CSAD: variants seen among roughly 807,000 people sequenced by gnomAD.
The protein encoded by CSAD is cysteine sulfinic acid decarboxylase.
Under a neutral mutation model 61.5 loss-of-function variants are expected in CSAD, and 47 were observed. The observed-to-expected ratio is 0.76, with a 90% confidence interval of 0.60 to 0.97. The LOEUF is 0.97. CSAD is among the 50% of genes least tolerant of loss of function. The probability of loss-of-function intolerance (pLI) is 0.00; values close to 1 mark genes in which losing one functional copy is unlikely to be tolerated. For synonymous variants in CSAD, 245 were observed against 252.7 expected (o/e 0.97, Z 0.29); for missense variants, 611 against 643.6 (o/e 0.95, Z 0.55).
chr12:53,161,414 A>G (rs1388302973), intron 10 of CSAD, 25 bp from the exon 11 acceptor site: 1 of 1,579,958 alleles, frequency 6.3e-7, no homozygotes. Flanking sequence ...TAGAGGGAGA[A>G]AGATGTAAAG....
chr12:53,158,853 T>C (rs1429688353), intron 16 of CSAD, among the ~76,000 whole-genome samples, 169 bp from the exon 17 acceptor site: 1 of 152,184 alleles, frequency 6.6e-6, no homozygotes, highest in African/African-American at 2.4e-5. Context: ...TACCTTTCTG[T>C]CATATCTAAC....
chr12:53,168,536 G>T (rs1464860776), intron 10 of CSAD, among the ~76,000 whole-genome samples: 1 of 151,996 alleles, frequency 6.6e-6, no homozygotes, highest in Non-Finnish European at 1.5e-5. Flanking sequence ...TGGGCTCATA[G>T]GGCTCATAAT....
intron 8 of CSAD, 188 bp downstream of exon 8, chr12:53,171,138 C>T (rs371913139): frequency 1.3e-4 from 112 of 843,316 alleles, no homozygotes; most frequent in African/African-American, 1.2e-3. Context: ...TCCTCTGCCC[C>T]CAAACAGAAG....
intron 7 of CSAD, 86 bp downstream of exon 7, chr12:53,171,796 C>T (rs575251133): frequency 5.4e-6 from 5 of 926,844 alleles, no homozygotes; most frequent in Non-Finnish European, 8.5e-6. Context: ...AATCATCCCT[C>T]CCTGCCAGAC....
At chr12:53,160,458 T>C in intron 13 of CSAD, 139 bp from the exon 14 acceptor site, 1 of 871,174 alleles carries the variant, frequency 1.1e-6, no homozygotes, top group Non-Finnish European at 1.8e-6. Flanking sequence ...GGCTGCCTGC[T>C]GGCTCCAACA....
At chr12:53,170,337 A>T in intron 9 of CSAD, 86 bp downstream of exon 9, 1 of 1,246,612 alleles carries the variant, frequency 8.0e-7, no homozygotes, top group South Asian at 1.2e-5. Context: ...CACCAGCGGT[A>T]AGGGTCTGAT....
chr12:53,158,620 T>C lies in CSAD; in HGVS notation c.1373A>G (p.His458Arg). ...ACGGAAGAAGTTGCCCCGGGTCCCGTGGGGCTGGTAGCCAATCATCATGGA... is the reference window on the plus strand; with the variant it reads ...ACGGAAGAAGTTGCCCCGGGTCCCGCGGGGCTGGTAGCCAATCATCATGGA... ...EGSMMIGYQP[H>R]GTRGNFFRVV... The change falls in exon 17 of 17, where the codon CAC becomes CGC. Residue 458 changes from histidine (H) to arginine (R), a missense_variant. Transcript: ENST00000444623. 1.2e-5 allele frequency: 20 copies of C among 1,614,170 alleles called. No homozygotes were observed. The highest frequency in any genetic ancestry group is 3.3e-5 in the Admixed American group (2 of 60,018).
At position 53,180,689 on chromosome 12, in the gene CSAD, T is replaced by C. The variant is rs897273224; in HGVS notation, c.-91+43A>G. The C allele has an allele frequency of 9.4e-6, 12 of 1,272,604 alleles. No individual in the cohort carries two copies. In the African/African-American group the frequency reaches 1.6e-4, roughly 17 times the overall value. 78.8% of individuals were successfully genotyped at this position (1,272,604 alleles called of 1,614,324 possible). On this transcript the variant is annotated intron_variant, in intron 1 of 16. Coordinates refer to ENST00000444623, the MANE Select transcript of CSAD (RefSeq NM_001244705.2). Reference sequence around the variant, plus strand: ...GGAGAGGACGAGGGGGAGGGGGAAGTGCTTCCGGGGAAACGGGCCGGGGTT... The same window carrying C: ...GGAGAGGACGAGGGGGAGGGGGAAGCGCTTCCGGGGAAACGGGCCGGGGTT...
chr12:53,175,011 A>C (rs999984709), intron 2 of CSAD, among the ~76,000 whole-genome samples: 2 of 152,200 alleles, frequency 1.3e-5, no homozygotes, highest in African/African-American at 2.4e-5. Context: ...GAATGGGTTC[A>C]GTTTGTTCAG....
intron 7 of CSAD, 112 bp from the exon 8 acceptor site, chr12:53,171,553 C>A: frequency 3.0e-6 from 3 of 1,003,494 alleles, no homozygotes; most frequent in South Asian, 1.4e-5. Flanking sequence ...GTATGACTGG[C>A]TCCCAGGCCA....
Position 53,173,347 on chromosome 12 carries a change from T to A in CSAD, c.124A>T (p.Lys42Ter). ...AIQKGTSVSQKVCEWKEPEEL... is the reference protein window; with the variant it reads ...AIQKGTSVSQ ...AGGAGGAGGAAGAAAGGACTCACCT[T>A]CTGGGAGACACTGGTTCCTTTCTGA... The change falls in exon 4 of 17, where the codon AAG (lysine) becomes TAG (stop). Residue 42 changes from lysine (K) to a stop codon, truncating the protein, a stop_gained and splice_region_variant. Transcript: ENST00000444623. LOFTEE classifies it high-confidence loss of function. 1 of 1,613,988 alleles carries A rather than the reference T, an allele frequency of 6.2e-7. No homozygotes were observed. The highest frequency in any genetic ancestry group is 8.5e-7 in the Non-Finnish European group (1 of 1,179,894).
chr12:53,180,717 T>C lies in CSAD; in HGVS notation c.-91+15A>G. ...TTCCGGGGAAACGGGCCGGGGTTGG[T>C]GTTTGTAAACTTGCCTCGGTCCCGG... On this transcript the variant is annotated intron_variant, in intron 1 of 16. Coordinates refer to ENST00000444623, the MANE Select transcript of CSAD (RefSeq NM_001244705.2). 7.9e-7 allele frequency: 1 copy of C among 1,267,612 alleles called. No individual in the cohort carries two copies. The highest frequency in any genetic ancestry group is 6.3e-5 in the East Asian group (1 of 15,936). 78.5% of individuals were successfully genotyped at this position (1,267,612 alleles called of 1,614,324 possible).
chr12:53,161,016 CCCCCT>C, intron 12 of CSAD, 106 bp downstream of exon 12: 1 of 1,201,292 alleles, frequency 8.3e-7, no homozygotes, highest in South Asian at 1.3e-5. Flanking sequence ...TCTCTCCAGT[CCCCCT>C]CCCCTCAGCC....
intron 1 of CSAD, chr12:53,180,016 G>C (rs1396815069): frequency 6.9e-7 from 1 of 1,444,504 alleles, no homozygotes; most frequent in Admixed American, 3.0e-5. Context: ...GGACGGCCTG[G>C]AGTAAAGGGC....
rs1347744057 is a variant in CSAD at position 53,173,739 on chromosome 12, G to C, written c.-18C>G. 2 of 1,611,210 alleles carry C rather than the reference G, an allele frequency of 1.2e-6. No homozygotes were observed. Among genetic ancestry groups the C allele is most frequent in the Non-Finnish European group, 1.7e-6 (2 of 1,177,588 alleles). ...AGAGACAAGCTTACCTCTCTGCTCA[G>C]GAGAGCCGGAGGCAGGGTGCACAGG... On this transcript the variant is annotated 5_prime_UTR_variant, in exon 3 of 17. Coordinates refer to ENST00000444623, the MANE Select transcript of CSAD (RefSeq NM_001244705.2).
chr12:53,176,684 A>T (rs1487008612), intron 2 of CSAD, among the ~76,000 whole-genome samples: 6 of 151,726 alleles, frequency 4.0e-5, no homozygotes, highest in African/African-American at 1.5e-4. Flanking sequence ...ATGCCACTGC[A>T]CTCCAGCCTG....
intron 10 of CSAD, among the ~76,000 whole-genome samples, chr12:53,169,117 T>C (rs1940251991): frequency 6.6e-6 from 1 of 152,060 alleles, no homozygotes; most frequent in African/African-American, 2.4e-5. Flanking sequence ...GAGGTGGAAG[T>C]TGCAGTGAGC....
rs1940514083 is a variant in CSAD, at chr12:53,171,014, C to T, written c.567+312G>A. On this transcript the variant is annotated intron_variant, in intron 8 of 16. Coordinates refer to ENST00000444623, the MANE Select transcript of CSAD (RefSeq NM_001244705.2). ...GGGATTACAGGCGTGAGTCACCGTGCCCGGCCAGATTCTGCATTTCTAACA... is the reference window on the plus strand; with the variant it reads ...GGGATTACAGGCGTGAGTCACCGTGTCCGGCCAGATTCTGCATTTCTAACA... 3 of 518,962 alleles carry T rather than the reference C, an allele frequency of 5.8e-6. No homozygotes were observed. The East Asian group carries it at 1.3e-4, about 23-fold the overall frequency. 32.1% of individuals were successfully genotyped at this position (518,962 alleles called of 1,614,324 possible). A position where few individuals can be genotyped will look rare whatever the true frequency, so the allele number is the denominator to read the frequency against.
rs540016060 is a variant in CSAD at position 53,158,032 on chromosome 12, C to T, written c.*479G>A. ...AATAACATTTCATCATATAGACATA[C>T]TGTAATTTATTTAAACACTCTCCTA... On this transcript the variant is annotated 3_prime_UTR_variant, in exon 17 of 17. Coordinates refer to ENST00000444623, the MANE Select transcript of CSAD (RefSeq NM_001244705.2). The T allele has an allele frequency of 1.3e-5, 2 of 152,314 alleles. No homozygotes were observed. Among genetic ancestry groups the T allele is most frequent in the African/African-American group, 4.8e-5 (2 of 41,494 alleles). The allele number at this position is 152,314 out of a possible 1,614,324, so 9.4% of individuals were successfully genotyped here. A position where few individuals can be genotyped will look rare whatever the true frequency, so the allele number is the denominator to read the frequency against.
Sources: gnomAD v4.1 joint callset for allele counts (sites outside exome capture counted in the v4.1 genomes callset) on GRCh38, gnomAD v4.1.1 for gene constraint, MANE v1.5 for transcripts, NCBI Gene and HGNC (gene_info 2026-07-23, HGNC 2026-07-21) for gene names.